DSCAM: variants seen among roughly 807,000 people sequenced by gnomAD.
The protein encoded by DSCAM is DS cell adhesion molecule, also known as cell adhesion molecule DSCAM.
In DSCAM, 47 loss-of-function variants were observed where a neutral mutation model predicts 217.7. The ratio of observed to expected loss-of-function variants is 0.22; its 90% CI spans 0.17 to 0.28. The LOEUF (loss-of-function observed/expected upper bound fraction) is 0.28, where lower values mean the gene tolerates loss of function less well. DSCAM is among the 10% of genes least tolerant of loss of function. The pLI is 1.00. For synonymous variants in DSCAM, 1,056 were observed against 1,015.3 expected (o/e 1.04, Z -0.76); for missense variants, 2,080 against 2,618.3 (o/e 0.79, Z 4.49).
chr21:40,349,702 T>TAAATCA (rs2074607852), intron 5 of DSCAM, among the ~76,000 whole-genome samples: 1 of 152,064 alleles, frequency 6.6e-6, no homozygotes, highest in Non-Finnish European at 1.5e-5. Flanking sequence ...AATCAACAGG[T>TAAATCA]AAATGGCAAA....
chr21:40,034,003 A>C (rs2088586477), intron 32 of DSCAM, among the ~76,000 whole-genome samples: 1 of 90,164 alleles, frequency 1.1e-5, no homozygotes, highest in Non-Finnish European at 2.3e-5. Flanking sequence ...AACAGAAAGG[A>C]CATCCACACC....
chr21:40,833,423 G>A (rs543652239), intron 1 of DSCAM, among the ~76,000 whole-genome samples: 1 of 152,312 alleles, frequency 6.6e-6, no homozygotes, highest in Admixed American at 6.5e-5. Flanking sequence ...GCAGAAAAGG[G>A]TGCTTCAGGC....
chr21:40,774,030 C>T (rs2091468164), intron 1 of DSCAM, among the ~76,000 whole-genome samples: 1 of 152,096 alleles, frequency 6.6e-6, no homozygotes, highest in South Asian at 2.1e-4. Context: ...TGAGGCTTCC[C>T]CACTGGGAAC....
intron 3 of DSCAM, among the ~76,000 whole-genome samples, chr21:40,394,013 A>G (rs151309785): frequency 6.6e-6 from 1 of 152,348 alleles, no homozygotes; most frequent in East Asian, 1.9e-4. Context: ...TTTCTTTAAT[A>G]CAGTTCTCTC....
chr21:40,649,414 C>T (rs1275598148), intron 3 of DSCAM, among the ~76,000 whole-genome samples: 3 of 152,170 alleles, frequency 2.0e-5, no homozygotes, highest in African/African-American at 4.8e-5. Context: ...CATGGGCCAA[C>T]GTCATTAGAT....
At chr21:40,443,424 T>C (rs1027026221) in intron 3 of DSCAM, among the ~76,000 whole-genome samples, 1 of 152,200 alleles carries the variant, frequency 6.6e-6, no homozygotes, top group Non-Finnish European at 1.5e-5. Context: ...TATGGCTTCA[T>C]TGTGAGTTAA....
chr21:40,788,383 G>A (rs1293055375), intron 1 of DSCAM, among the ~76,000 whole-genome samples: 1 of 152,104 alleles, frequency 6.6e-6, no homozygotes, highest in Admixed American at 6.5e-5. Flanking sequence ...GTGTTAAAGT[G>A]TAACTTTTTT....
chr21:40,580,406 G>C (rs1056857030), intron 3 of DSCAM, among the ~76,000 whole-genome samples: 1 of 151,644 alleles, frequency 6.6e-6, no homozygotes, highest in Non-Finnish European at 1.5e-5. Context: ...GGTGGCGGGC[G>C]CCCATAATCC....
At chr21:40,731,739 C>CCCG (rs68000703) in intron 1 of DSCAM, among the ~76,000 whole-genome samples, 3 of 124,380 alleles carry the variant, frequency 2.4e-5, no homozygotes, top group Non-Finnish European at 5.1e-5. Context: ...CCCCCCCCCC[C>CCCG]GCCCCCCGGG....
intron 1 of DSCAM, among the ~76,000 whole-genome samples, chr21:40,743,021 T>C (rs565133327): frequency 6.6e-6 from 1 of 152,332 alleles, no homozygotes; most frequent in African/African-American, 2.4e-5. Flanking sequence ...TACTTTTCAC[T>C]AAACAAATTT....
chr21:40,109,074 T>A (rs2089860771), intron 20 of DSCAM, among the ~76,000 whole-genome samples: 1 of 152,206 alleles, frequency 6.6e-6, no homozygotes, highest in African/African-American at 2.4e-5. Flanking sequence ...GCAATACTAT[T>A]CAGGACATAG....
intron 3 of DSCAM, among the ~76,000 whole-genome samples, chr21:40,564,011 G>A (rs954561613): frequency 6.6e-6 from 1 of 152,134 alleles, no homozygotes; most frequent in Non-Finnish European, 1.5e-5. Flanking sequence ...CAAAAGGCAC[G>A]CGGCTGAAAG....
chr21:40,492,149 T>A (rs2076081061), intron 3 of DSCAM, among the ~76,000 whole-genome samples: 1 of 151,802 alleles, frequency 6.6e-6, no homozygotes, highest in Admixed American at 6.6e-5. Flanking sequence ...AAAAAAAAAA[T>A]CCTATTCTAG....
chr21:40,168,543 C>T (rs573501952), intron 15 of DSCAM, among the ~76,000 whole-genome samples: 1 of 152,220 alleles, frequency 6.6e-6, no homozygotes, highest in Non-Finnish European at 1.5e-5. Context: ...TTTGGATTGA[C>T]AATTTTTAGA....
intron 3 of DSCAM, among the ~76,000 whole-genome samples, chr21:40,421,414 C>T (rs571555217): frequency 2.6e-5 from 4 of 152,368 alleles, no homozygotes; most frequent in African/African-American, 9.6e-5. Context: ...GAAAGTGCTG[C>T]ATGAGTTCAT....
chr21:40,403,637 A>G (rs2075257438), intron 3 of DSCAM, among the ~76,000 whole-genome samples: 1 of 147,538 alleles, frequency 6.8e-6, no homozygotes, highest in Non-Finnish European at 1.5e-5. Flanking sequence ...GTGCACACAC[A>G]CACACACACA....
chr21:40,017,383 A>G (rs2837380), intron 32 of DSCAM, among the ~76,000 whole-genome samples: 2,677 of 152,260 alleles, frequency 0.018, 234 homozygotes, highest in Admixed American at 0.15. Flanking sequence ...CTACTAAGTG[A>G]TGATGAGTAG....
chr21:40,267,524 A>C (rs1569032665), intron 11 of DSCAM, among the ~76,000 whole-genome samples: 1 of 152,214 alleles, frequency 6.6e-6, no homozygotes, highest in Non-Finnish European at 1.5e-5. Flanking sequence ...TTATAGCTCC[A>C]TCTTAAGGGC....
chr21:40,470,109 A>G (rs934678219), intron 3 of DSCAM, among the ~76,000 whole-genome samples: 1 of 152,258 alleles, frequency 6.6e-6, no homozygotes, highest in Non-Finnish European at 1.5e-5. Flanking sequence ...TCAATAAACC[A>G]CAATGACGTA....
Sources: allele counts gnomAD v4.1 joint callset (sites outside exome capture counted in the v4.1 genomes callset), GRCh38; gene constraint gnomAD v4.1.1; transcripts MANE v1.5; gene names NCBI Gene and HGNC (gene_info 2026-07-23, HGNC 2026-07-21).